The following SCFD2 variants were observed in gnomAD, a reference collection of about 807,000 sequenced individuals.
The protein encoded by SCFD2 is sec1 family domain-containing protein 2.
SCFD2 carries 54 observed loss-of-function variants against 58.9 expected under a neutral mutation model. That is an observed-to-expected ratio of 0.92 (90% confidence interval 0.74 to 1.15). The LOEUF (loss-of-function observed/expected upper bound fraction) is 1.15. SCFD2 is among the 50% of genes most tolerant of loss of function. The probability of loss-of-function intolerance (pLI) is 0.00; values close to 1 mark genes in which losing one functional copy is unlikely to be tolerated. For missense variants in SCFD2, 805 were observed against 836.6 expected (o/e 0.96, Z 0.47); for synonymous variants, 321 against 335.9 (o/e 0.96, Z 0.49).
At chr4:53,123,305 A>G (rs1725533973) in intron 5 of SCFD2, among the ~76,000 whole-genome samples, 1 of 152,220 alleles carries the variant, frequency 6.6e-6, no homozygotes, top group Non-Finnish European at 1.5e-5. Context: ...GTCTAAGCAA[A>G]GGGCAAAAAG....
intron 8 of SCFD2, among the ~76,000 whole-genome samples, chr4:52,875,918 A>G (rs1345015265): frequency 7.0e-6 from 1 of 143,238 alleles, no homozygotes; most frequent in Non-Finnish European, 1.5e-5. Flanking sequence ...GTGTTTCACG[A>G]TTTTCCTTGA....
intron 4 of SCFD2, among the ~76,000 whole-genome samples, chr4:53,202,258 C>T (rs1162079573): frequency 6.6e-6 from 1 of 152,166 alleles, no homozygotes; most frequent in East Asian, 1.9e-4. Context: ...AGCCAGTTTT[C>T]CCAGCACCAT....
intron 5 of SCFD2, 80 bp downstream of exon 5, chr4:53,145,253 C>G: frequency 3.3e-6 from 5 of 1,522,462 alleles, no homozygotes; most frequent in Non-Finnish European, 4.5e-6. Context: ...GTTACCTCCT[C>G]TTCCCAAAAC....
At chr4:53,250,572 A>G (rs1730326247) in intron 4 of SCFD2, among the ~76,000 whole-genome samples, 1 of 152,354 alleles carries the variant, frequency 6.6e-6, no homozygotes, top group African/African-American at 2.4e-5. Flanking sequence ...ATCAAACTAG[A>G]ACTCAGGATT....
intron 3 of SCFD2, among the ~76,000 whole-genome samples, chr4:53,282,718 G>C (rs1203699295): frequency 2.0e-5 from 3 of 150,886 alleles, no homozygotes; most frequent in African/African-American, 4.9e-5. Context: ...AGCTATACCA[G>C]GAAATAAAAA....
chr4:53,015,287 T>C (rs1314898895), intron 5 of SCFD2, among the ~76,000 whole-genome samples: 1 of 152,232 alleles, frequency 6.6e-6, no homozygotes, highest in Non-Finnish European at 1.5e-5. Context: ...CCACCACAGT[T>C]GGTCCTAAAA....
At chr4:53,200,828 C>A (rs538376598) in intron 4 of SCFD2, among the ~76,000 whole-genome samples, 2 of 152,170 alleles carry the variant, frequency 1.3e-5, no homozygotes, top group African/African-American at 2.4e-5. Context: ...TATACACATG[C>A]ATTCAATGGA....
intron 5 of SCFD2, among the ~76,000 whole-genome samples, chr4:53,054,453 G>A (rs1297639722): frequency 5.3e-5 from 8 of 152,114 alleles, no homozygotes; most frequent in African/African-American, 1.9e-4. Context: ...CTATCACACA[G>A]AAGGTACCTG....
Position 53,214,801 on chromosome 4 carries a change from C to A in SCFD2, c.1311+59025G>T, listed in dbSNP as rs1180967773. 2.6e-5 allele frequency among the ~76,000 whole-genome samples: 4 copies of A among 152,100 alleles called. No individual in the cohort carries two copies. The East Asian group carries it at 7.7e-4, about 29-fold the overall frequency. On this transcript the variant is annotated intron_variant, in intron 4 of 8. Transcript: ENST00000401642. Reference sequence around the variant, plus strand: ...ATGGTTTTAGGTCTAACATGTAAGTCTTTAATCCACCTTGAATTAATTTTT... The same window carrying A: ...ATGGTTTTAGGTCTAACATGTAAGTATTTAATCCACCTTGAATTAATTTTT...
intron 5 of SCFD2, among the ~76,000 whole-genome samples, chr4:53,051,233 T>C (rs910589819): frequency 2.0e-4 from 30 of 152,324 alleles, no homozygotes; most frequent in African/African-American, 7.0e-4. Flanking sequence ...TCTATCACTA[T>C]GGCAGACTGG....
intron 2 of SCFD2, among the ~76,000 whole-genome samples, chr4:53,327,583 G>A (rs911546662): frequency 1.1e-4 from 16 of 152,138 alleles, no homozygotes; most frequent in Non-Finnish European, 2.1e-4. Context: ...GGCAGGATGC[G>A]TTTATGTTGG....
chr4:52,940,132 C>A (rs886141456), intron 5 of SCFD2, among the ~76,000 whole-genome samples: 1 of 152,228 alleles, frequency 6.6e-6, no homozygotes, highest in South Asian at 2.1e-4. Flanking sequence ...CTTTACTATG[C>A]CTGACCTGCG....
intron 2 of SCFD2, among the ~76,000 whole-genome samples, chr4:53,333,072 CA>C (rs1483097383): frequency 7.3e-6 from 1 of 137,354 alleles, no homozygotes; most frequent in Non-Finnish European, 1.6e-5. Flanking sequence ...AGGAGAACTA[CA>C]AACCACTGCT....
intron 6 of SCFD2, among the ~76,000 whole-genome samples, chr4:52,917,251 C>G (rs576787419): frequency 5.9e-5 from 9 of 152,122 alleles, no homozygotes; most frequent in Non-Finnish European, 1.0e-4. Context: ...ATCATTAGAG[C>G]ATTTTTATGA....
At chr4:53,012,149 T>C (rs921319193) in intron 5 of SCFD2, among the ~76,000 whole-genome samples, 5 of 151,938 alleles carry the variant, frequency 3.3e-5, no homozygotes, top group African/African-American at 1.2e-4. Flanking sequence ...TCCTAAATAG[T>C]TTTCAGGTTC....
At chr4:53,216,407 C>T (rs1728835564) in intron 4 of SCFD2, among the ~76,000 whole-genome samples, 2 of 152,158 alleles carry the variant, frequency 1.3e-5, no homozygotes, top group South Asian at 2.1e-4. Flanking sequence ...TTATCCATTT[C>T]TTCTAGATTT....
At chr4:52,917,059 A>C (rs763093696) in intron 6 of SCFD2, among the ~76,000 whole-genome samples, 1 of 152,018 alleles carries the variant, frequency 6.6e-6, no homozygotes, top group Non-Finnish European at 1.5e-5. Flanking sequence ...CACCACACCC[A>C]CCTAATTTTT....
intron 5 of SCFD2, among the ~76,000 whole-genome samples, chr4:52,928,153 A>G (rs1271504031): frequency 6.6e-6 from 1 of 151,940 alleles, no homozygotes; most frequent in Non-Finnish European, 1.5e-5. Flanking sequence ...TGGGCAACAT[A>G]GCAAGACTCT....
intron 5 of SCFD2, among the ~76,000 whole-genome samples, chr4:52,990,139 C>A (rs1577643577): frequency 6.6e-6 from 1 of 152,336 alleles, no homozygotes; most frequent in African/African-American, 2.4e-5. Context: ...AGTGCTGAAG[C>A]AGGGGTCAAA....
Sources: gnomAD v4.1 joint callset for allele counts (sites outside exome capture counted in the v4.1 genomes callset) on GRCh38, gnomAD v4.1.1 for gene constraint, MANE v1.5 for transcripts, NCBI Gene and HGNC (gene_info 2026-07-23, HGNC 2026-07-21) for gene names.